The following RPH3AL variants were observed in gnomAD, a reference collection of about 807,000 sequenced individuals.
RPH3AL encodes rab effector Noc2.
In RPH3AL, 38 loss-of-function variants were observed where a neutral mutation model predicts 43.1. The observed-to-expected ratio is 0.88, with a 90% confidence interval of 0.68 to 1.15. RPH3AL has a LOEUF of 1.15. Ranked by LOEUF, RPH3AL falls within the 50% of genes most tolerant of loss-of-function variation. RPH3AL has a pLI of 0.00. For synonymous variants in RPH3AL, 189 were observed against 176.3 expected (o/e 1.07, Z -0.57); for missense variants, 462 against 423.2 (o/e 1.09, Z -0.81).
chr17:216,880 GTA>G (rs1371285862), intron 8 of RPH3AL, among the ~76,000 whole-genome samples: 2 of 152,118 alleles, frequency 1.3e-5, no homozygotes, highest in Non-Finnish European at 2.9e-5. Context: ...GGGGGTGGTG[GTA>G]CGTGTGTCAG....
chr17:221,880 A>G (rs866851260), intron 7 of RPH3AL, among the ~76,000 whole-genome samples: 82 of 107,082 alleles, frequency 7.7e-4, no homozygotes, highest in African/African-American at 2.0e-3. Flanking sequence ...CACTGAGACA[A>G]TAGACCCAAG....
At chr17:347,885 G>C (rs961156913) in intron 1 of RPH3AL, among the ~76,000 whole-genome samples, 1 of 151,934 alleles carries the variant, frequency 6.6e-6, no homozygotes, top group Non-Finnish European at 1.5e-5. Flanking sequence ...AGCTAGTAAG[G>C]CTGGGCAGGA....
intron 5 of RPH3AL, among the ~76,000 whole-genome samples, chr17:309,119 G>A (rs2043571166): frequency 6.6e-6 from 1 of 152,122 alleles, no homozygotes; most frequent in South Asian, 2.1e-4. Context: ...CAACATAGCA[G>A]ACCCTGTCTC....
Position 237,946 on chromosome 17 carries a change from A to G in RPH3AL, c.613+9165T>C, listed in dbSNP as rs569115338. Among the ~76,000 whole-genome samples, 4 of 152,108 alleles carry G rather than the reference A, an allele frequency of 2.6e-5. No homozygotes were observed. In the South Asian group the frequency reaches 6.2e-4, roughly 24 times the overall value. ...ACAGATGACTTGAGCCCAAGAGTTC[A>G]AGACCAGGCCTGGACAACGTGGAAT... On this transcript the variant is annotated intron_variant, in intron 7 of 9. Transcript: ENST00000331302.
chr17:252,691 G>A (rs1305663275), intron 6 of RPH3AL, among the ~76,000 whole-genome samples: 1 of 152,188 alleles, frequency 6.6e-6, no homozygotes, highest in East Asian at 1.9e-4. Context: ...CATCAGCCCA[G>A]TGCTCGGTTA....
At chr17:337,099 C>T (rs115312555) in intron 1 of RPH3AL, among the ~76,000 whole-genome samples, 2,455 of 150,174 alleles carry the variant, frequency 0.016, 64 homozygotes, top group African/African-American at 0.055. Flanking sequence ...ACTGGAACTA[C>T]GTACATCGGT....
chr17:328,723 G>T lies in RPH3AL; in HGVS notation c.-36-1144C>A, dbSNP rs146667993. Among the ~76,000 whole-genome samples, 165 of 152,176 alleles carry T rather than the reference G, an allele frequency of 1.1e-3. 1 individual carries two copies. Among genetic ancestry groups the T allele is most frequent in the African/African-American group, 3.4e-3 (142 of 41,486 alleles). ...ATGATTATTATTTACAATGGATTAT[G>T]ATTTACAATGGATTATTATTTACAA... On this transcript the variant is annotated intron_variant, in intron 2 of 9. Transcript: ENST00000331302. This position sits in a 1 kb window ranked among gnomAD's most constrained non-coding sequence, Gnocchi z 4.2.
intron 5 of RPH3AL, among the ~76,000 whole-genome samples, chr17:315,063 A>G (rs2043897122): frequency 6.9e-6 from 1 of 144,982 alleles, no homozygotes; most frequent in Non-Finnish European, 1.5e-5. Context: ...ACTGAACTGT[A>G]GTCCCTGTGC....
chr17:266,299 T>G (rs1275215670), intron 6 of RPH3AL, among the ~76,000 whole-genome samples: 1 of 150,356 alleles, frequency 6.7e-6, no homozygotes, highest in South Asian at 2.1e-4. Flanking sequence ...CCCAGTGGGG[T>G]GTGTGTGTGT....
At chr17:327,334 G>T in intron 3 of RPH3AL, 133 bp downstream of exon 3, 1 of 753,680 alleles carries the variant, frequency 1.3e-6, no homozygotes, top group Non-Finnish European at 2.3e-6. Flanking sequence ...GGCCTGGAGT[G>T]TGGCATGCAT....
At chr17:342,358 T>C (rs1163667741) in intron 1 of RPH3AL, among the ~76,000 whole-genome samples, 1 of 152,202 alleles carries the variant, frequency 6.6e-6, no homozygotes, top group African/African-American at 2.4e-5. Context: ...CTCCCAGGTA[T>C]AGACCCAAAA....
At chr17:304,242 A>G (rs1316543353) in intron 5 of RPH3AL, among the ~76,000 whole-genome samples, 1 of 151,854 alleles carries the variant, frequency 6.6e-6, no homozygotes, top group African/African-American at 2.4e-5. Context: ...TTAAGAGTTT[A>G]TCACATACTT....
At chr17:263,259 A>G (rs1224682067) in intron 6 of RPH3AL, among the ~76,000 whole-genome samples, 1 of 152,204 alleles carries the variant, frequency 6.6e-6, no homozygotes, top group Non-Finnish European at 1.5e-5. Flanking sequence ...AAGACAGAGG[A>G]AAATATTATA....
intron 2 of RPH3AL, chr17:331,525 G>A (rs2044764203): frequency 8.1e-7 from 1 of 1,230,864 alleles, no homozygotes; most frequent in Non-Finnish European, 1.0e-6. Flanking sequence ...AGGCACAGCT[G>A]TCCTTCACTC....
At chr17:286,010 GA>G (rs1183395747) in intron 5 of RPH3AL, among the ~76,000 whole-genome samples, 1 of 152,204 alleles carries the variant, frequency 6.6e-6, no homozygotes, top group Non-Finnish European at 1.5e-5. Flanking sequence ...TGCACCCCGG[GA>G]TGCCCTCAAC....
intron 6 of RPH3AL, among the ~76,000 whole-genome samples, chr17:262,553 A>G (rs890655080): frequency 7.3e-5 from 11 of 151,582 alleles, no homozygotes; most frequent in Admixed American, 6.6e-4. Context: ...AGCCAGGTGC[A>G]GCGGCTCACG....
In RPH3AL at chr17:215,759, C is replaced by T. The variant is rs1438711518; in HGVS notation, c.771G>A (p.Pro257=). Residue 257 remains proline, a synonymous_variant, in exon 9 of 10, where the codon CCG becomes CCA. Transcript: ENST00000331302. The surrounding 1 kb of genome is among the most constrained non-coding windows in gnomAD (Gnocchi z 4.1). ...TGCTCTGGCACCCAGAGAGGTGGCC[C>T]GGCGGGTGGGTGAACCCCATCCTGG... ...EAPRMGFTHP[P]GHLSGCQSSL... 6.1e-6 allele frequency: 8 copies of T among 1,306,138 alleles called. No individual in the cohort carries two copies. In the South Asian group the frequency reaches 1.3e-4, roughly 22 times the overall value. 80.9% of individuals were successfully genotyped at this position (1,306,138 alleles called of 1,614,324 possible).
chr17:273,056 C>A, intron 6 of RPH3AL, among the ~76,000 whole-genome samples: 1 of 146,172 alleles, frequency 6.8e-6, no homozygotes, highest in Non-Finnish European at 1.5e-5. Context: ...CAGGGAGAGA[C>A]CCCAGCGAGG....
At chr17:311,458 C>T (rs1166910991) in intron 5 of RPH3AL, among the ~76,000 whole-genome samples, 1 of 152,184 alleles carries the variant, frequency 6.6e-6, no homozygotes, top group Non-Finnish European at 1.5e-5. Context: ...CAGGGGCCCA[C>T]TCCTCCAGGC....
Sources: allele counts gnomAD v4.1 joint callset (sites outside exome capture counted in the v4.1 genomes callset), GRCh38; gene constraint gnomAD v4.1.1; non-coding constraint Gnocchi (gnomAD v3.1); transcripts MANE v1.5; gene names NCBI Gene and HGNC (gene_info 2026-07-23, HGNC 2026-07-21).